SORCS2: variants seen among roughly 807,000 people sequenced by gnomAD.
The protein encoded by SORCS2 is sortilin related VPS10 domain containing receptor 2.
A neutral mutation model predicts 141.6 loss-of-function variants in SORCS2; 100 were observed. The ratio of observed to expected loss-of-function variants is 0.71; its 90% CI spans 0.60 to 0.83. The LOEUF (loss-of-function observed/expected upper bound fraction) is 0.83. SORCS2 is among the 40% of genes least tolerant of loss of function. The pLI is 0.00. For synonymous variants in SORCS2, 789 were observed against 676.9 expected (o/e 1.17, Z -2.57); for missense variants, 1,646 against 1,560.2 (o/e 1.05, Z -0.93).
At chr4:7,524,167 C>T (rs566604045) in intron 2 of SORCS2, among the ~76,000 whole-genome samples, 1 of 152,278 alleles carries the variant, frequency 6.6e-6, no homozygotes, top group East Asian at 1.9e-4. Flanking sequence ...GGGTCCAGGG[C>T]CTTTGCAGAT....
intron 1 of SORCS2, among the ~76,000 whole-genome samples, chr4:7,285,355 C>G (rs1716144743): frequency 6.6e-6 from 1 of 152,170 alleles, no homozygotes; most frequent in African/African-American, 2.4e-5. Flanking sequence ...GTTGACATTA[C>G]TTCATTACAG....
intron 2 of SORCS2, among the ~76,000 whole-genome samples, chr4:7,481,835 C>T (rs1045795088): frequency 1.3e-5 from 2 of 152,112 alleles, no homozygotes; most frequent in Non-Finnish European, 2.9e-5. Context: ...ACGCTGGCAA[C>T]GGCGACCTTT....
chr4:7,348,611 G>T (rs1720769007), intron 1 of SORCS2, among the ~76,000 whole-genome samples: 2 of 152,200 alleles, frequency 1.3e-5, no homozygotes, highest in African/African-American at 4.8e-5. Flanking sequence ...GAGTGCAGTG[G>T]CGCAATCTCG....
At chr4:7,402,997 G>T (rs919190648) in intron 2 of SORCS2, among the ~76,000 whole-genome samples, 1 of 152,024 alleles carries the variant, frequency 6.6e-6, no homozygotes, top group African/African-American at 2.4e-5. Context: ...CCCTCCAAAT[G>T]TGTCTTGAAC....
chr4:7,440,472 C>A (rs1287136674), intron 2 of SORCS2, among the ~76,000 whole-genome samples: 1 of 152,254 alleles, frequency 6.6e-6, no homozygotes, highest in Non-Finnish European at 1.5e-5. Flanking sequence ...GCCCTTGTGG[C>A]CCTGCCATGC....
chr4:7,214,959 G>A (rs1339719924), intron 1 of SORCS2, among the ~76,000 whole-genome samples: 1 of 151,934 alleles, frequency 6.6e-6, no homozygotes, highest in Non-Finnish European at 1.5e-5. Context: ...AGAGGTGACA[G>A]CGTGCTGGCA....
In SORCS2 at chr4:7,715,145, T is replaced by C. The variant is rs775822543; in HGVS notation, c.2124-38T>C. 9 of 1,607,946 alleles carry C rather than the reference T, an allele frequency of 5.6e-6. No homozygotes were observed. In the South Asian group the frequency reaches 6.6e-5, roughly 12 times the overall value. ...ACCCTGGGTGACTCCGGTTCCCACCTGTGCCCGTCACTTACCACTACTCTT... is the reference window on the plus strand; with the variant it reads ...ACCCTGGGTGACTCCGGTTCCCACCCGTGCCCGTCACTTACCACTACTCTT... On this transcript the variant is annotated intron_variant, in intron 16 of 26. Coordinates refer to ENST00000507866, the MANE Select transcript of SORCS2 (RefSeq NM_020777.3).
chr4:7,468,284 C>T (rs1577613900), intron 2 of SORCS2, among the ~76,000 whole-genome samples: 1 of 152,216 alleles, frequency 6.6e-6, no homozygotes, highest in Non-Finnish European at 1.5e-5. Flanking sequence ...CGTCATGGGT[C>T]GCAACCTTGT....
At chr4:7,655,686 C>T (rs769274504) in intron 5 of SORCS2, among the ~76,000 whole-genome samples, 5 of 152,252 alleles carry the variant, frequency 3.3e-5, no homozygotes, top group Non-Finnish European at 7.3e-5. Context: ...GCACAGCCAT[C>T]CATCACTGGC....
chr4:7,627,195 G>A (rs1404544081), intron 3 of SORCS2, among the ~76,000 whole-genome samples: 1 of 152,136 alleles, frequency 6.6e-6, no homozygotes, highest in African/African-American at 2.4e-5. Flanking sequence ...TTGTTGCCCA[G>A]GCTGGTCTCA....
intron 2 of SORCS2, among the ~76,000 whole-genome samples, chr4:7,499,543 G>A (rs147493810): frequency 3.3e-5 from 5 of 152,174 alleles, no homozygotes; most frequent in Middle Eastern, 3.4e-3. Flanking sequence ...GAGGAGGATC[G>A]CAGGTGGTAC....
chr4:7,367,266 A>G (rs1184497599), intron 1 of SORCS2, among the ~76,000 whole-genome samples: 1 of 152,248 alleles, frequency 6.6e-6, no homozygotes, highest in African/African-American at 2.4e-5. Flanking sequence ...AGCAGCAGCA[A>G]CAAACTTGAG....
At chr4:7,593,187 C>A (rs1717030316) in intron 3 of SORCS2, among the ~76,000 whole-genome samples, 1 of 152,126 alleles carries the variant, frequency 6.6e-6, no homozygotes, top group Non-Finnish European at 1.5e-5. Flanking sequence ...CAAACAAAAC[C>A]AACAGGGTCA....
At chr4:7,693,574 G>A (rs1724395645) in intron 11 of SORCS2, among the ~76,000 whole-genome samples, 1 of 152,238 alleles carries the variant, frequency 6.6e-6, no homozygotes, top group Admixed American at 6.5e-5. Flanking sequence ...TGTCCCAGCT[G>A]ATCATCCAGA....
intron 2 of SORCS2, among the ~76,000 whole-genome samples, chr4:7,457,773 C>T (rs575520292): frequency 6.6e-6 from 1 of 152,370 alleles, no homozygotes; most frequent in South Asian, 2.1e-4. Context: ...TTTTGTGTCT[C>T]TGCCTGAGCT....
chr4:7,642,533 GTT>G (rs1194123924), intron 4 of SORCS2, among the ~76,000 whole-genome samples: 1 of 152,226 alleles, frequency 6.6e-6, no homozygotes, highest in Non-Finnish European at 1.5e-5. Context: ...GAGGGCTTTA[GTT>G]TTTGAGGAGG....
intron 3 of SORCS2, among the ~76,000 whole-genome samples, chr4:7,576,660 C>T (rs753405640): frequency 1.6e-4 from 25 of 152,160 alleles, no homozygotes; most frequent in East Asian, 1.2e-3. Context: ...AAGGTGTGGA[C>T]GTGGAGAGGT....
intron 18 of SORCS2, among the ~76,000 whole-genome samples, chr4:7,720,893 T>C (rs1249187038): frequency 6.6e-6 from 1 of 152,216 alleles, no homozygotes; most frequent in African/African-American, 2.4e-5. Context: ...CTGGGGAGAC[T>C]GGAGAATGCC....
intron 1 of SORCS2, among the ~76,000 whole-genome samples, chr4:7,290,541 C>T (rs1716532658): frequency 6.6e-6 from 1 of 152,160 alleles, no homozygotes; most frequent in Non-Finnish European, 1.5e-5. Flanking sequence ...ATACCTATTG[C>T]CCAGGTGGGG....
Sources: gnomAD v4.1 joint callset for allele counts (sites outside exome capture counted in the v4.1 genomes callset) on GRCh38, gnomAD v4.1.1 for gene constraint, MANE v1.5 for transcripts, NCBI Gene and HGNC (gene_info 2026-07-23, HGNC 2026-07-21) for gene names.